The following METAP1D variants were observed in gnomAD, a reference collection of about 807,000 sequenced individuals.
METAP1D encodes the protein methionine aminopeptidase 1D, mitochondrial.
METAP1D carries 31 observed loss-of-function variants against 40.5 expected under a neutral mutation model. The ratio of observed to expected loss-of-function variants is 0.77; its 90% CI spans 0.58 to 1.03. The LOEUF is 1.03. Ranked by LOEUF, METAP1D falls within the 50% of genes least tolerant of loss-of-function variation. METAP1D has a pLI of 0.00. For missense variants in METAP1D, 411 were observed against 420.7 expected (o/e 0.98, Z 0.20); for synonymous variants, 151 against 146.4 (o/e 1.03, Z -0.22).
chr2:172,066,364 AG>A, intron 5 of METAP1D, 58 bp downstream of exon 5: 1 of 1,389,672 alleles, frequency 7.2e-7, no homozygotes, highest in South Asian at 1.2e-5. Flanking sequence ...TGGTAGCAAC[AG>A]GAAGAGTGGA....
intron 1 of METAP1D, among the ~76,000 whole-genome samples, chr2:172,036,948 G>A (rs1255144944): frequency 6.6e-6 from 1 of 152,280 alleles, no homozygotes; most frequent in South Asian, 2.1e-4. Context: ...TTACTTACAT[G>A]TACTTGTAAT....
At chr2:172,040,247 C>T (rs577007863) in intron 1 of METAP1D, among the ~76,000 whole-genome samples, 24 of 152,334 alleles carry the variant, frequency 1.6e-4, no homozygotes, top group African/African-American at 4.6e-4. Context: ...TGAGCCACTG[C>T]GCCCGGCCGA....
chr2:172,013,406 C>G (rs940610870), intron 1 of METAP1D, among the ~76,000 whole-genome samples: 2 of 152,056 alleles, frequency 1.3e-5, no homozygotes, highest in African/African-American at 2.4e-5. Flanking sequence ...GAACTAGGAC[C>G]GGGGGCAGGA....
intron 1 of METAP1D, among the ~76,000 whole-genome samples, chr2:172,050,899 C>CA (rs759627350): frequency 7.9e-5 from 12 of 152,174 alleles, no homozygotes; most frequent in Non-Finnish European, 1.2e-4. Context: ...CCCTAATAAA[C>CA]AGCTTCTTTA....
chr2:172,079,138 C>G, intron 7 of METAP1D, 77 bp from the exon 8 acceptor site: 2 of 1,458,680 alleles, frequency 1.4e-6, no homozygotes, highest in Non-Finnish European at 1.9e-6. Context: ...TTTAAAGGGG[C>G]CTGACCCCTG....
At chr2:172,006,933 T>C (rs771850489) in intron 1 of METAP1D, among the ~76,000 whole-genome samples, 1 of 152,212 alleles carries the variant, frequency 6.6e-6, no homozygotes, top group East Asian at 1.9e-4. Context: ...ACGTTGTACA[T>C]ATCAGTTCTA....
intron 1 of METAP1D, among the ~76,000 whole-genome samples, chr2:172,059,075 A>G (rs1212778283): frequency 2.0e-5 from 3 of 151,706 alleles, no homozygotes; most frequent in Non-Finnish European, 4.4e-5. Context: ...ACGGGGCCCA[A>G]GAATTTGCAT....
rs866638777 is a variant in METAP1D at position 172,024,072 on chromosome 2, G to C, written c.40+24063G>C. Among the ~76,000 whole-genome samples, 10 of 152,088 alleles carry C rather than the reference G, an allele frequency of 6.6e-5. 1 individual carries two copies. The highest frequency in any genetic ancestry group is 2.0e-4 in the Admixed American group (3 of 15,264). On this transcript the variant is annotated intron_variant, in intron 1 of 9. Transcript: ENST00000315796. ...GATGGGGTTTCACTGTGTTAGCCAG[G>C]ATAGTCTCGATCTCCTGACCTCGTG...
rs78605891 is a variant in METAP1D at position 172,072,699 on chromosome 2, C to T, written c.704+1629C>T. Among the ~76,000 whole-genome samples, 228 of 152,126 alleles carry T rather than the reference C, an allele frequency of 1.5e-3. 1 individual carries two copies. Among genetic ancestry groups the T allele is most frequent in the Non-Finnish European group, 2.6e-3 (178 of 67,990 alleles). ...TTGTCTCTTCTTCCATTTTTACTCT[C>T]TGTACTTTCTTGTTAAAGTAATTTT... On this transcript the variant is annotated intron_variant, in intron 6 of 9. Transcript: ENST00000315796.
At chr2:172,010,988 C>T (rs548488717) in intron 1 of METAP1D, among the ~76,000 whole-genome samples, 34 of 151,990 alleles carry the variant, frequency 2.2e-4, no homozygotes, top group Admixed American at 5.2e-4. Flanking sequence ...CTCCTGACCT[C>T]AAGTGATCTG....
intron 1 of METAP1D, among the ~76,000 whole-genome samples, chr2:172,000,580 T>C (rs180943318): frequency 5.1e-4 from 78 of 152,356 alleles, no homozygotes; most frequent in Non-Finnish European, 2.9e-4. Context: ...GAAATCTTTG[T>C]TGGATTTGAA....
chr2:172,065,844 T>A (rs1690265038), intron 4 of METAP1D, 92 bp downstream of exon 4: 2 of 1,334,432 alleles, frequency 1.5e-6, no homozygotes, highest in Non-Finnish European at 2.0e-6. Flanking sequence ...ATCATTCAAT[T>A]GAAACCCACC....
At chr2:172,029,557 C>T (rs146557727) in intron 1 of METAP1D, among the ~76,000 whole-genome samples, 6 of 152,274 alleles carry the variant, frequency 3.9e-5, no homozygotes, top group African/African-American at 1.4e-4. Context: ...GAGAAACTGT[C>T]AATATTACAG....
chr2:172,042,389 A>G lies in METAP1D; in HGVS notation c.41-19109A>G, dbSNP rs1203444999. On this transcript the variant is annotated intron_variant, in intron 1 of 9. Transcript: ENST00000315796. ...TGTGTACATGTGTACATATATACAT[A>G]TATACATATATACATATGTATGTGT... Among the ~76,000 whole-genome samples the G allele has an allele frequency of 6.5e-5, 3 of 46,352 alleles. 1 individual carries two copies. Among genetic ancestry groups the G allele is most frequent in the African/African-American group, 2.7e-4 (3 of 11,138 alleles). 30.4% of individuals were successfully genotyped at this position (46,352 alleles called of 152,430 possible). A position where few individuals can be genotyped will look rare whatever the true frequency, so the allele number is the denominator to read the frequency against.
intron 1 of METAP1D, among the ~76,000 whole-genome samples, chr2:172,017,164 T>C (rs1016125543): frequency 2.0e-5 from 3 of 151,404 alleles, no homozygotes; most frequent in Admixed American, 6.6e-5. Flanking sequence ...CTCTATCCCT[T>C]CAATTGAGGT....
In METAP1D at chr2:172,043,210, G is replaced by A. The variant is rs1227216431; in HGVS notation, c.41-18288G>A. ...TCCCATCTCAGCCTCCCAAGTAGCT[G>A]GGATTATAGGCACCCAGCTATGAGA... is the stretch of plus-strand genomic sequence containing the variant. On this transcript the variant is annotated intron_variant, in intron 1 of 9. Transcript: ENST00000315796. 5.4e-5 allele frequency among the ~76,000 whole-genome samples: 7 copies of A among 130,588 alleles called. 2 individuals carry two copies. The highest frequency in any genetic ancestry group is 1.2e-4 in the Non-Finnish European group (7 of 56,292). 85.7% of individuals were successfully genotyped at this position (130,588 alleles called of 152,430 possible).
rs186491042 is a variant in METAP1D, at chr2:172,010,908, C to T, written c.40+10899C>T. On this transcript the variant is annotated intron_variant, in intron 1 of 9. Coordinates refer to ENST00000315796, the MANE Select transcript of METAP1D (RefSeq NM_199227.3). ...TGGCTGGGATTACAGGTACATGCCACCACACCTGGCTAACTTGTATTTTTA... is the reference window on the plus strand; with the variant it reads ...TGGCTGGGATTACAGGTACATGCCATCACACCTGGCTAACTTGTATTTTTA... 5.2e-4 allele frequency among the ~76,000 whole-genome samples: 79 copies of T among 152,016 alleles called. No individual in the cohort carries two copies. The Middle Eastern group carries it at 0.014, about 26-fold the overall frequency.
At chr2:172,026,581 C>G (rs1689124420) in intron 1 of METAP1D, among the ~76,000 whole-genome samples, 1 of 152,198 alleles carries the variant, frequency 6.6e-6, no homozygotes, top group Admixed American at 6.5e-5. Context: ...ACAGATTTCA[C>G]AGTGAGCCCA....
rs773997121 is a variant in METAP1D at position 172,065,759 on chromosome 2, A to T, written c.497+7A>T. On this transcript the variant is annotated splice_region_variant and intron_variant, in intron 4 of 9. Coordinates refer to ENST00000315796, the MANE Select transcript of METAP1D (RefSeq NM_199227.3). ...GTCATGGTATTCCTGACAGGTATTCAGTTCTTAATAACATATTGTTCCTTT... is the reference window on the plus strand; with the variant it reads ...GTCATGGTATTCCTGACAGGTATTCTGTTCTTAATAACATATTGTTCCTTT... 1 of 1,612,048 alleles carries T rather than the reference A, an allele frequency of 6.2e-7. No homozygotes were observed.
Sources: gnomAD v4.1 joint callset for allele counts (sites outside exome capture counted in the v4.1 genomes callset) on GRCh38, gnomAD v4.1.1 for gene constraint, MANE v1.5 for transcripts, NCBI Gene and HGNC (gene_info 2026-07-23, HGNC 2026-07-21) for gene names.